Variants in RNF111 observed in about 807,000 individuals in gnomAD.
RNF111 encodes the protein E3 ubiquitin-protein ligase Arkadia.
A neutral mutation model predicts 95.1 loss-of-function variants in RNF111; 17 were observed. The ratio of observed to expected loss-of-function variants is 0.18; its 90% CI spans 0.12 to 0.27. The LOEUF (loss-of-function observed/expected upper bound fraction) is 0.27, where lower values mean the gene tolerates loss of function less well. Ranked by LOEUF, RNF111 falls within the 10% of genes least tolerant of loss-of-function variation. The pLI, the probability that RNF111 is intolerant of heterozygous loss-of-function variation, is 1.00. For missense variants in RNF111, 1,189 were observed against 1,210.4 expected, an observed-to-expected ratio of 0.98 and a Z score of 0.26; for synonymous variants, 440 against 414.8, an observed-to-expected ratio of 1.06 and a Z score of -0.74.
chr15:59,081,145 A>G lies in RNF111; in HGVS notation c.2158A>G (p.Ile720Val), dbSNP rs1288105608. Residue 720 changes from isoleucine (I) to valine (V), a missense_variant, in exon 8 of 14, where the codon ATC (isoleucine) becomes GTC (valine). By Grantham distance (29) the Ile-to-Val change is conservative. Transcript: ENST00000348370. ...PTHLASTAAP[I>V]PQHLPPTHQP... ...TCACTTAGCCAGTACAGCTGCACCA[A>G]TCCCTCAGCATCTTCCTCCTACACA... 3.1e-6 allele frequency: 5 copies of G among 1,614,024 alleles called. No homozygotes were observed. Among genetic ancestry groups the G allele is most frequent in the Non-Finnish European group, 4.2e-6 (5 of 1,180,008 alleles).
At chr15:59,040,796 T>C (rs1488938984) in intron 2 of RNF111, among the ~76,000 whole-genome samples, 1 of 152,218 alleles carries the variant, frequency 6.6e-6, no homozygotes, top group Non-Finnish European at 1.5e-5. Context: ...TGGCCAGTTT[T>C]CTGTGTGGTT....
rs2038628985 is a variant in RNF111, at chr15:58,987,732, T to C, written c.-356T>C. On this transcript the variant is annotated 5_prime_UTR_variant, in exon 1 of 14. Transcript: ENST00000348370. ...GCGGCGGCGAAGCGGCGGCGGCGGC[T>C]GTAGGGGAGCAGCGGCAGTGGCGGC... 1 of 180,822 alleles carries C rather than the reference T, an allele frequency of 5.5e-6. No individual in the cohort carries two copies. The highest frequency in any genetic ancestry group is 1.1e-5 in the Non-Finnish European group (1 of 89,232). 11.2% of individuals were successfully genotyped at this position (180,822 alleles called of 1,614,324 possible).
intron 1 of RNF111, among the ~76,000 whole-genome samples, chr15:58,994,473 CTTTTT>C (rs35787227): frequency 2.4e-4 from 17 of 69,524 alleles, no homozygotes; most frequent in African/African-American, 8.2e-4. Flanking sequence ...TTTTCTCTCT[CTTTTT>C]TTTTTTTTTT....
At chr15:59,000,760 A>G (rs2039292681) in intron 1 of RNF111, among the ~76,000 whole-genome samples, 1 of 151,692 alleles carries the variant, frequency 6.6e-6, no homozygotes, top group South Asian at 2.1e-4. Context: ...CCAATTTTTG[A>G]TGGTAGATGA....
chr15:59,078,552 TAAA>T (rs56959347), intron 7 of RNF111, among the ~76,000 whole-genome samples: 84 of 94,466 alleles, frequency 8.9e-4, no homozygotes, highest in Admixed American at 4.6e-3. Context: ...AACCTGTCTC[TAAA>T]AAAAAAAAAA....
chr15:59,053,322 A>C (rs1180688951), intron 3 of RNF111, among the ~76,000 whole-genome samples: 1 of 152,218 alleles, frequency 6.6e-6, no homozygotes, highest in Non-Finnish European at 1.5e-5. Context: ...GATGATTATA[A>C]GTATTGGTAA....
Position 59,058,489 on chromosome 15 carries a change from C to T in RNF111, c.1305C>T (p.Ser435=), listed in dbSNP as rs1196414125. 1 of 1,613,992 alleles carries T rather than the reference C, an allele frequency of 6.2e-7. No homozygotes were observed. Among genetic ancestry groups the T allele is most frequent in the African/African-American group, 1.3e-5 (1 of 74,916 alleles). The change falls in exon 5 of 14, where the codon TCC becomes TCT. Residue 435 remains serine (S), a synonymous_variant. Transcript: ENST00000348370. ...TASAVTSSQP[S]TVSETSATLT... is the part of the protein sequence containing the mutation. Reference sequence around the variant, plus strand: ...CAGCTGTCACCAGTAGCCAACCTTCCACAGTGTCAGAGACTTCAGCTACTC... The same window carrying T: ...CAGCTGTCACCAGTAGCCAACCTTCTACAGTGTCAGAGACTTCAGCTACTC...
intron 1 of RNF111, among the ~76,000 whole-genome samples, chr15:59,001,322 A>G (rs79059603): frequency 0.037 from 5,689 of 152,252 alleles, 191 homozygotes; most frequent in African/African-American, 0.088. Flanking sequence ...ATAACTTCTT[A>G]GCCATTTTTT....
intron 2 of RNF111, among the ~76,000 whole-genome samples, chr15:59,038,492 T>A (rs557438204): frequency 2.0e-5 from 3 of 152,318 alleles, no homozygotes; most frequent in South Asian, 4.1e-4. Flanking sequence ...GATTGAGTTA[T>A]AGTTTTTGGT....
At chr15:59,021,290 A>G (rs1158040283) in intron 1 of RNF111, among the ~76,000 whole-genome samples, 1 of 152,178 alleles carries the variant, frequency 6.6e-6, no homozygotes, top group Non-Finnish European at 1.5e-5. Context: ...AGCTGGGATT[A>G]CAGGTGGGTG....
intron 11 of RNF111, 81 bp downstream of exon 11, chr15:59,089,840 G>A: frequency 1.1e-6 from 1 of 888,958 alleles, no homozygotes; most frequent in Middle Eastern, 2.4e-4. Context: ...ATACACAATT[G>A]TGTAGGACTG....
At chr15:59,066,681 T>C (rs1259845446) in intron 5 of RNF111, 83 bp from the exon 6 acceptor site, 1 of 1,048,634 alleles carries the variant, frequency 9.5e-7, no homozygotes, top group Non-Finnish European at 1.4e-6. Context: ...CTTTAAACAT[T>C]TATTATTTAT....
chr15:59,012,078 G>A (rs1226524204), intron 1 of RNF111, among the ~76,000 whole-genome samples: 1 of 130,614 alleles, frequency 7.7e-6, no homozygotes, highest in Non-Finnish European at 1.6e-5. Flanking sequence ...GCAGTGAGTG[G>A]TGCGATCTTG....
intron 1 of RNF111, among the ~76,000 whole-genome samples, chr15:58,992,396 G>A (rs1220496983): frequency 6.6e-6 from 1 of 152,174 alleles, no homozygotes; most frequent in Non-Finnish European, 1.5e-5. Flanking sequence ...ATGTGGTGGA[G>A]GGAGATAAGA....
rs1189011802 is a variant in RNF111 at position 59,095,962 on chromosome 15, T to A, written c.*1062T>A. 1 of 398,414 alleles carries A rather than the reference T, an allele frequency of 2.5e-6. No individual in the cohort carries two copies. Among genetic ancestry groups the A allele is most frequent in the East Asian group, 3.6e-5 (1 of 27,962 alleles). 24.7% of individuals were successfully genotyped at this position (398,414 alleles called of 1,614,324 possible). A position where few individuals can be genotyped will look rare whatever the true frequency, so the allele number is the denominator to read the frequency against. On this transcript the variant is annotated 3_prime_UTR_variant, in exon 14 of 14. Transcript: ENST00000348370. ...GTAAATAAAGTCAGCTGAATCTACA[T>A]GTCTCTTGTTTTATTTCTCTCTAAA...
At chr15:59,051,536 G>A (rs1241856823) in intron 2 of RNF111, among the ~76,000 whole-genome samples, 3 of 151,794 alleles carry the variant, frequency 2.0e-5, no homozygotes, top group African/African-American at 7.3e-5. Context: ...AGCACTTTGG[G>A]AGGCTGAGGG....
intron 4 of RNF111, among the ~76,000 whole-genome samples, chr15:59,056,066 GAA>G (rs758133036): frequency 3.9e-5 from 6 of 151,920 alleles, no homozygotes; most frequent in South Asian, 2.1e-4. Flanking sequence ...ATTTTCTCAG[GAA>G]AAAATATTTT....
chr15:59,090,519 C>T (rs776929533), intron 11 of RNF111, among the ~76,000 whole-genome samples: 8 of 152,172 alleles, frequency 5.3e-5, no homozygotes, highest in Admixed American at 1.3e-4. Context: ...CGCAAGCCAC[C>T]GCACCCGGCC....
chr15:58,992,299 C>T (rs1260340897), intron 1 of RNF111, among the ~76,000 whole-genome samples: 1 of 152,130 alleles, frequency 6.6e-6, no homozygotes, highest in East Asian at 1.9e-4. Context: ...CCCGTCTCGG[C>T]CTCCCAAAGT....
Sources: allele counts gnomAD v4.1 joint callset (sites outside exome capture counted in the v4.1 genomes callset), GRCh38; gene constraint gnomAD v4.1.1; transcripts MANE v1.5; gene names NCBI Gene and HGNC (gene_info 2026-07-23, HGNC 2026-07-21).